The following AHCTF1 variants were observed in gnomAD, a reference collection of about 807,000 sequenced individuals.
AHCTF1 encodes protein ELYS.
Under a neutral mutation model 248.4 loss-of-function variants are expected in AHCTF1, and 24 were observed. The observed-to-expected ratio is 0.10, with a 90% CI of 0.07 to 0.14. The LOEUF is 0.14. AHCTF1 is among the 10% of genes least tolerant of loss of function. The pLI, the probability that AHCTF1 is intolerant of heterozygous loss-of-function variation, is 1.00. For missense variants in AHCTF1, 2,206 were observed against 2,636.2 expected (o/e 0.84, Z 3.57); for synonymous variants, 786 against 929.8 (o/e 0.85, Z 2.81).
intron 24 of AHCTF1, among the ~76,000 whole-genome samples, chr1:246,868,923 C>T (rs1293367265): frequency 3.4e-5 from 5 of 148,592 alleles, no homozygotes; most frequent in Admixed American, 1.3e-4. Flanking sequence ...CGGCTCACTG[C>T]AAGTTCTGCC....
chr1:246,851,818 G>A (rs921178938), intron 32 of AHCTF1: 1 of 174,206 alleles, frequency 5.7e-6, no homozygotes, highest in Non-Finnish European at 1.2e-5. Flanking sequence ...CCCAAACTGT[G>A]TTTTAATGGT....
chr1:246,879,924 C>G (rs1159604413), intron 21 of AHCTF1, among the ~76,000 whole-genome samples: 2 of 152,064 alleles, frequency 1.3e-5, no homozygotes, highest in Non-Finnish European at 2.9e-5. Flanking sequence ...AAAGCAAATC[C>G]TTTATGTAAT....
At chr1:246,913,851 A>C (rs1411877982) in intron 3 of AHCTF1, among the ~76,000 whole-genome samples, 1 of 152,212 alleles carries the variant, frequency 6.6e-6, no homozygotes, top group Non-Finnish European at 1.5e-5. Context: ...TTAAACAGCT[A>C]CTCTAGGATT....
intron 21 of AHCTF1, among the ~76,000 whole-genome samples, chr1:246,880,687 T>C (rs1663337948): frequency 6.6e-6 from 1 of 151,870 alleles, no homozygotes; most frequent in Admixed American, 6.6e-5. Flanking sequence ...TTGATAATAA[T>C]ATAGACAGTA....
intron 25 of AHCTF1, 141 bp downstream of exon 25, chr1:246,867,520 A>G (rs1008605372): frequency 1.7e-6 from 2 of 1,186,816 alleles, no homozygotes; most frequent in Non-Finnish European, 2.4e-6. Context: ...TTCTTCTCAG[A>G]AACATAGCCA....
rs138782084 is a variant in AHCTF1 at position 246,859,372 on chromosome 1, G to A, written c.4132+1527C>T. Among the ~76,000 whole-genome samples, 85 of 152,188 alleles carry A rather than the reference G, an allele frequency of 5.6e-4. 1 individual carries two copies. The highest frequency in any genetic ancestry group is 1.9e-3 in the African/African-American group (78 of 41,530). ...TAGGTGAAGTCTCTCCCATTTACTA[G>A]TGTTCCCCTGGCCCTCTTGTTAACC... On this transcript the variant is annotated intron_variant, in intron 29 of 35. Coordinates refer to ENST00000648844, the MANE Select transcript of AHCTF1 (RefSeq NM_001323342.2).
In AHCTF1 at chr1:246,887,671, T is replaced by A. The variant is rs542800491; in HGVS notation, c.2326-314A>T. On this transcript the variant is annotated intron_variant, in intron 19 of 35. Coordinates refer to ENST00000648844, the MANE Select transcript of AHCTF1 (RefSeq NM_001323342.2). ...AGATATACGCAAATTTCTAAAGATC[T>A]AGCAAAAGATGGCAGCTTAATCAAA... 2.6e-5 allele frequency among the ~76,000 whole-genome samples: 4 copies of A among 152,340 alleles called. No homozygotes were observed. In the East Asian group the frequency reaches 7.7e-4, roughly 29 times the overall value.
chr1:246,914,210 A>G (rs1380049130), intron 3 of AHCTF1, among the ~76,000 whole-genome samples: 2 of 152,232 alleles, frequency 1.3e-5, no homozygotes, highest in Admixed American at 6.5e-5. Flanking sequence ...TTAATTAGGT[A>G]TGATATATGA....
chr1:246,897,806 C>A (rs1664694283), intron 12 of AHCTF1, among the ~76,000 whole-genome samples: 1 of 151,958 alleles, frequency 6.6e-6, no homozygotes, highest in East Asian at 1.9e-4. Flanking sequence ...CATAGCGAGA[C>A]CCTGTCTCTA....
chr1:246,907,699 T>G lies in AHCTF1; in HGVS notation c.616A>C (p.Arg206=), dbSNP rs765134003. The change falls in exon 5 of 36, where the codon AGA becomes CGA. Residue 206 remains arginine, a synonymous_variant. Coordinates refer to ENST00000648844, the MANE Select transcript of AHCTF1 (RefSeq NM_001323342.2). The stretch of plus-strand genomic sequence containing the variant: ...TGGAAACACAGATGGCGCCCTTGTC[T>G]CATTACACTTTCTCTAATGTGTGGT... The part of the protein sequence containing the change: ...EVPHIRESVM[R]QGRHLCFQLV... The G allele has an allele frequency of 3.7e-6, 6 of 1,614,012 alleles. No homozygotes were observed. The South Asian group carries it at 6.6e-5, about 18-fold the overall frequency.
intron 6 of AHCTF1, among the ~76,000 whole-genome samples, chr1:246,904,458 C>G (rs1183860604): frequency 6.6e-6 from 1 of 152,210 alleles, no homozygotes; most frequent in African/African-American, 2.4e-5. Flanking sequence ...AGTAACCTCA[C>G]AGAACCTTCC....
intron 29 of AHCTF1, 92 bp from the exon 30 acceptor site, chr1:246,857,906 TCTG>T: frequency 3.3e-6 from 4 of 1,216,660 alleles, no homozygotes; most frequent in Non-Finnish European, 4.6e-6. Context: ...AGTTGTTGGG[TCTG>T]CTTTTTTGTT....
Position 246,877,228 on chromosome 1 carries a change from A to G in AHCTF1, c.2735T>C (p.Met912Thr), listed in dbSNP as rs748377419. 5.0e-6 allele frequency: 8 copies of G among 1,613,296 alleles called. No individual in the cohort carries two copies. In the South Asian group the frequency reaches 6.6e-5, roughly 13 times the overall value. The change falls in exon 22 of 36, where the codon ATG becomes ACG. Residue 912 changes from methionine (M) to threonine (T), a missense_variant. Coordinates refer to ENST00000648844, the MANE Select transcript of AHCTF1 (RefSeq NM_001323342.2). ...RLNIEELLKH[M>T]YEVCQEMGLM... is the part of the protein sequence containing the mutation. ...GCCCATTTCCTGACAGACTTCATAC[A>G]TGTGCTTCAGTAACTCCTCTATATT...
chr1:246,874,616 A>G (rs1173327649), intron 24 of AHCTF1, among the ~76,000 whole-genome samples: 1 of 152,166 alleles, frequency 6.6e-6, no homozygotes, highest in African/African-American at 2.4e-5. Flanking sequence ...CCTGTTTAAC[A>G]TTAACTTATC....
In AHCTF1 at chr1:246,850,001, G is replaced by C; in HGVS notation, c.6005C>G (p.Ala2002Gly). 1 of 1,613,372 alleles carries C rather than the reference G, an allele frequency of 6.2e-7. No individual in the cohort carries two copies. The highest frequency in any genetic ancestry group is 8.5e-7 in the Non-Finnish European group (1 of 1,179,726). ...KEERSPKKKE[A>G]PSIRRRSTRN... ...TGTAGATCTCCTTCTAATGCTGGGA[G>C]CTTCTTTCTTCTTGGGGCTTCTCTC... is the stretch of plus-strand genomic sequence containing the variant. The change falls in exon 33 of 36, where the codon GCT (alanine) becomes GGT (glycine). Residue 2002 changes from alanine to glycine, a missense_variant. Ala to Gly is a moderately conservative substitution (Grantham distance 60). Transcript: ENST00000648844.
chr1:246,913,367 T>G lies in AHCTF1; in HGVS notation c.421A>C (p.Ser141Arg), dbSNP rs1346663332. The G allele has an allele frequency of 4.3e-6, 7 of 1,613,608 alleles. No homozygotes were observed. The highest frequency in any genetic ancestry group is 5.9e-6 in the Non-Finnish European group (7 of 1,179,664). Residue 141 changes from serine (S) to arginine (R), a missense_variant, in exon 4 of 36, where the codon AGC becomes CGC. Physicochemically the swap from Ser to Arg is moderately radical, Grantham distance 110. Transcript: ENST00000648844. ...AGACTTGGATGTAAATGCTGAGTGC[T>G]TGCACTGGCTCCTCCATGATTAATT... ...PIINHGGASA[S>R]TQHLHPSLRW...
intron 8 of AHCTF1, among the ~76,000 whole-genome samples, chr1:246,900,954 G>C (rs1361597668): frequency 1.3e-5 from 2 of 152,162 alleles, no homozygotes; most frequent in Non-Finnish European, 2.9e-5. Context: ...CTGTGGAATG[G>C]AAAGACAGGA....
chr1:246,851,626 A>G (rs566026651), intron 32 of AHCTF1, among the ~76,000 whole-genome samples, 184 bp from the exon 33 acceptor site: 1 of 152,330 alleles, frequency 6.6e-6, no homozygotes, highest in Admixed American at 6.5e-5. Flanking sequence ...TTTCTCATTC[A>G]GTCAAAATAA....
chr1:246,861,538 G>C (rs983161400), intron 28 of AHCTF1, among the ~76,000 whole-genome samples: 1 of 152,194 alleles, frequency 6.6e-6, no homozygotes, highest in African/African-American at 2.4e-5. Flanking sequence ...GAACAGGCTA[G>C]ATGACCAATA....
Sources: allele counts gnomAD v4.1 joint callset (sites outside exome capture counted in the v4.1 genomes callset), GRCh38; gene constraint gnomAD v4.1.1; transcripts MANE v1.5; gene names NCBI Gene and HGNC (gene_info 2026-07-23, HGNC 2026-07-21).